Variants in AOAH observed in about 807,000 individuals in gnomAD.
AOAH encodes acyloxyacyl hydrolase.
In AOAH, 64 loss-of-function variants were observed where a neutral mutation model predicts 92.2. The observed-to-expected ratio is 0.69, with a 90% CI of 0.57 to 0.86. AOAH has a LOEUF of 0.86. Ranked by LOEUF, AOAH falls within the 40% of genes least tolerant of loss-of-function variation. The pLI is 0.00. For missense variants in AOAH, 656 were observed against 694.6 expected, an observed-to-expected ratio of 0.94 and a Z score of 0.62; for synonymous variants, 263 against 254.5, an observed-to-expected ratio of 1.03 and a Z score of -0.32.
At chr7:36,691,577 G>A (rs1562701952) in intron 1 of AOAH, among the ~76,000 whole-genome samples, 1 of 152,158 alleles carries the variant, frequency 6.6e-6, no homozygotes, top group African/African-American at 2.4e-5. Context: ...GTAGAGAGTA[G>A]AAGAATTGGG....
chr7:36,603,445 C>CCCCGGCCTTTCTCT (rs1355389581), intron 11 of AOAH, among the ~76,000 whole-genome samples: 13 of 152,180 alleles, frequency 8.5e-5, no homozygotes, highest in African/African-American at 3.1e-4. Flanking sequence ...TCCTCGCCTG[C>CCCCGGCCTTTCTCT]CCCGGCCTTT....
chr7:36,599,714 C>T (rs964819283), intron 11 of AOAH: 6 of 152,176 alleles, frequency 3.9e-5, no homozygotes, highest in African/African-American at 1.4e-4. Flanking sequence ...AGTTTCAAGG[C>T]CCGGGAATCA....
intron 11 of AOAH, among the ~76,000 whole-genome samples, chr7:36,613,795 T>C (rs1476549644): frequency 1.3e-5 from 2 of 152,258 alleles, no homozygotes; most frequent in Non-Finnish European, 2.9e-5. Flanking sequence ...CAATTATTGT[T>C]GAGAACCTGA....
chr7:36,590,979 C>T (rs1789699814), intron 12 of AOAH, among the ~76,000 whole-genome samples: 7 of 152,196 alleles, frequency 4.6e-5, no homozygotes, highest in Admixed American at 3.9e-4. Flanking sequence ...GATACTTTAG[C>T]TGTAACTACT....
intron 1 of AOAH, among the ~76,000 whole-genome samples, chr7:36,707,995 G>T (rs149958152): frequency 2.2e-4 from 33 of 152,002 alleles, no homozygotes; most frequent in Non-Finnish European, 4.0e-4. Flanking sequence ...GTCTTGTTAC[G>T]TTGCCCAGGC....
chr7:36,522,630 G>A (rs900410487), intron 19 of AOAH, among the ~76,000 whole-genome samples: 3 of 152,044 alleles, frequency 2.0e-5, no homozygotes, highest in African/African-American at 7.3e-5. Context: ...AAAATATTAC[G>A]AGCCCCAGAA....
chr7:36,618,310 C>A lies in AOAH; in HGVS notation c.738G>T (p.Lys246Asn), dbSNP rs963341216. 6.2e-7 allele frequency: 1 copy of A among 1,613,614 alleles called. No homozygotes were observed. The highest frequency in any genetic ancestry group is 8.5e-7 in the Non-Finnish European group (1 of 1,179,718). ...CACAATTCATACCTTCACAGAATTT[C>A]TTCTCATATGGAACTCCATCTTTTG... ...VDPKDGVPYE[K>N]KFCEGSQPRG... Residue 246 changes from lysine to asparagine, a missense_variant, in exon 10 of 21, where the codon AAG becomes AAT. Transcript: ENST00000617537.
At chr7:36,650,096 C>T (rs960173848) in intron 4 of AOAH, among the ~76,000 whole-genome samples, 5 of 152,062 alleles carry the variant, frequency 3.3e-5, no homozygotes, top group African/African-American at 1.2e-4. Context: ...TTGGAAGTGG[C>T]TTCTGCCATC....
At chr7:36,607,800 G>A (rs953717478) in intron 11 of AOAH, among the ~76,000 whole-genome samples, 9 of 152,188 alleles carry the variant, frequency 5.9e-5, no homozygotes, top group Non-Finnish European at 1.3e-4. Flanking sequence ...TGAGACTTGC[G>A]GTGGAGGGAG....
intron 4 of AOAH, among the ~76,000 whole-genome samples, chr7:36,644,331 C>T (rs1562652765): frequency 6.8e-6 from 1 of 146,844 alleles, no homozygotes; most frequent in East Asian, 2.0e-4. Flanking sequence ...AAACGGTGTG[C>T]TTTTTTTTTT....
chr7:36,686,839 C>T, intron 1 of AOAH, 45 bp from the exon 2 acceptor site: 1 of 1,335,100 alleles, frequency 7.5e-7, no homozygotes. Flanking sequence ...ACACAGAAAA[C>T]TGAACTGGAG....
intron 12 of AOAH, among the ~76,000 whole-genome samples, chr7:36,593,088 C>T (rs1338239509): frequency 1.3e-5 from 2 of 152,184 alleles, no homozygotes; most frequent in African/African-American, 4.8e-5. Flanking sequence ...CTTCCATGAA[C>T]TCTTTTTCCT....
intron 13 of AOAH, among the ~76,000 whole-genome samples, chr7:36,568,911 C>T (rs1423793027): frequency 6.6e-6 from 1 of 152,064 alleles, no homozygotes; most frequent in Non-Finnish European, 1.5e-5. Flanking sequence ...GAGGTTTTTT[C>T]AGAGTGTGGG....
At chr7:36,575,444 T>C (rs138427363) in intron 13 of AOAH, among the ~76,000 whole-genome samples, 1 of 152,308 alleles carries the variant, frequency 6.6e-6, no homozygotes, top group African/African-American at 2.4e-5. Flanking sequence ...TTTTAACGCA[T>C]TTGGTATTGA....
intron 1 of AOAH, among the ~76,000 whole-genome samples, chr7:36,688,352 C>G (rs10282518): frequency 0.018 from 2,783 of 152,082 alleles, 98 homozygotes; most frequent in African/African-American, 0.064. Flanking sequence ...CCCACCCAGA[C>G]AGAGATAACC....
chr7:36,642,055 AT>A (rs1488533854), intron 4 of AOAH, among the ~76,000 whole-genome samples: 1 of 152,128 alleles, frequency 6.6e-6, no homozygotes, highest in African/African-American at 2.4e-5. Context: ...TGAATTTTGA[AT>A]TGTCTCACCT....
At chr7:36,633,015 G>C (rs1432515073) in intron 5 of AOAH, among the ~76,000 whole-genome samples, 1 of 152,234 alleles carries the variant, frequency 6.6e-6, no homozygotes, top group Non-Finnish European at 1.5e-5. Context: ...GTGGAGTGGA[G>C]GGCAAGGGTG....
Position 36,618,360 on chromosome 7 carries a change from C to T in AOAH, c.703-15G>A, listed in dbSNP as rs375389402. On this transcript the variant is annotated splice_polypyrimidine_tract_variant and intron_variant, in intron 9 of 20. Transcript: ENST00000617537. The stretch of plus-strand genomic sequence containing the variant: ...GGATCGACACCCTTTAAAAAAGAAA[C>T]GATGTGATTAGCAGTTTGGTTTTAA... 28 of 1,613,424 alleles carry T rather than the reference C, an allele frequency of 1.7e-5. No individual in the cohort carries two copies. The highest frequency in any genetic ancestry group is 1.7e-4 in the Middle Eastern group (1 of 6,046).
At chr7:36,654,583 A>G (rs1192534634) in intron 4 of AOAH, among the ~76,000 whole-genome samples, 2 of 152,062 alleles carry the variant, frequency 1.3e-5, no homozygotes, top group Non-Finnish European at 2.9e-5. Flanking sequence ...CTTCTGCGCT[A>G]TGAGCTCCCT....
Sources: gnomAD v4.1 joint callset for allele counts (sites outside exome capture counted in the v4.1 genomes callset) on GRCh38, gnomAD v4.1.1 for gene constraint, MANE v1.5 for transcripts, NCBI Gene and HGNC (gene_info 2026-07-23, HGNC 2026-07-21) for gene names.